Variants in DISP1 observed in about 807,000 individuals in gnomAD.
DISP1 encodes the protein dispatched RND transporter family member 1.
DISP1 carries 30 observed loss-of-function variants against 37.3 expected under a neutral mutation model. The observed-to-expected ratio is 0.80, with a 90% CI of 0.60 to 1.09. The LOEUF (loss-of-function observed/expected upper bound fraction) is 1.09. Among genes scored for constraint, DISP1 ranks in the 50% least tolerant of loss-of-function variants. DISP1 has a pLI of 0.00. For synonymous variants in DISP1, 634 were observed against 690.2 expected (o/e 0.92, Z 1.28); for missense variants, 1,598 against 1,879.5 (o/e 0.85, Z 2.77).
intron 3 of DISP1, among the ~76,000 whole-genome samples, chr1:222,978,646 G>A (rs1437399505): frequency 2.0e-5 from 3 of 152,022 alleles, no homozygotes; most frequent in Admixed American, 6.6e-5. Context: ...GGGTTTTTAT[G>A]GTTTTAGGTC....
At chr1:222,821,161 T>G (rs1175089296) in intron 1 of DISP1, among the ~76,000 whole-genome samples, 1 of 152,202 alleles carries the variant, frequency 6.6e-6, no homozygotes, top group Non-Finnish European at 1.5e-5. Context: ...TCATTGCAGA[T>G]TCCATCTCTT....
intron 1 of DISP1, among the ~76,000 whole-genome samples, chr1:222,880,089 A>C (rs747524109): frequency 2.6e-5 from 4 of 152,286 alleles, no homozygotes; most frequent in Middle Eastern, 3.4e-3. Flanking sequence ...AAGCAATCAA[A>C]ATGTTTAATC....
chr1:222,816,326 C>T (rs542329340), intron 1 of DISP1, among the ~76,000 whole-genome samples: 1 of 152,162 alleles, frequency 6.6e-6, no homozygotes, highest in Admixed American at 6.5e-5. Flanking sequence ...TAGTGTTTCA[C>T]TCAGTGTAAT....
At chr1:222,881,657 TG>T (rs1444401199) in intron 1 of DISP1, among the ~76,000 whole-genome samples, 1 of 152,232 alleles carries the variant, frequency 6.6e-6, no homozygotes, top group African/African-American at 2.4e-5. Flanking sequence ...ATGGATTCGT[TG>T]GCAAGGGCCT....
At chr1:222,957,805 C>T (rs1675727236) in intron 3 of DISP1, among the ~76,000 whole-genome samples, 3 of 152,116 alleles carry the variant, frequency 2.0e-5, no homozygotes, top group Admixed American at 2.0e-4. Context: ...ACTGAAATAA[C>T]AAACAGTATC....
At chr1:222,904,253 G>A (rs963208254) in intron 1 of DISP1, among the ~76,000 whole-genome samples, 6 of 152,130 alleles carry the variant, frequency 3.9e-5, no homozygotes, top group Non-Finnish European at 7.4e-5. Flanking sequence ...AAGATTGTCT[G>A]AATTACTTAT....
chr1:222,848,915 C>T (rs1326550443), intron 1 of DISP1, among the ~76,000 whole-genome samples: 1 of 152,056 alleles, frequency 6.6e-6, no homozygotes, highest in Non-Finnish European at 1.5e-5. Flanking sequence ...ATGCTGACTT[C>T]CCATGAACTA....
At chr1:222,818,444 A>C (rs1661797738) in intron 1 of DISP1, among the ~76,000 whole-genome samples, 1 of 152,206 alleles carries the variant, frequency 6.6e-6, no homozygotes, top group African/African-American at 2.4e-5. Flanking sequence ...CTCTTGAAGC[A>C]AAATAGTACC....
intron 1 of DISP1, among the ~76,000 whole-genome samples, chr1:222,847,770 AG>A (rs1305491658): frequency 6.6e-6 from 1 of 152,186 alleles, no homozygotes; most frequent in African/African-American, 2.4e-5. Context: ...GGAAGGGAGA[AG>A]GAAGAAAGTT....
At chr1:222,963,714 A>G (rs1676237403) in intron 3 of DISP1, among the ~76,000 whole-genome samples, 1 of 151,410 alleles carries the variant, frequency 6.6e-6, no homozygotes, top group African/African-American at 2.4e-5. Flanking sequence ...GAGTTGAACA[A>G]TGAGAACACA....
rs1278209167 is a variant in DISP1, at chr1:223,005,654, T to C, written c.4257T>C (p.Asn1419=). The C allele has an allele frequency of 1.1e-5, 17 of 1,612,736 alleles. No individual in the cohort carries two copies. The highest frequency in any genetic ancestry group is 1.7e-5 in the Admixed American group (1 of 59,836). The change falls in exon 9 of 9, where the codon AAT becomes AAC. Residue 1419 remains asparagine, a synonymous_variant. Transcript: ENST00000675850. ...ATAAACAAAGGGAACTCTGTAAAAA[T>C]AGAGACGTGAGCAATCTGGAGAGCA... The part of the protein sequence containing the change: ...PENKQRELCK[N]RDVSNLESSG...
intron 3 of DISP1, among the ~76,000 whole-genome samples, chr1:222,945,185 G>A (rs1342457505): frequency 1.3e-5 from 2 of 152,142 alleles, no homozygotes; most frequent in African/African-American, 4.8e-5. Context: ...GGAAAGAGGA[G>A]AGTCCTTCAC....
chr1:222,913,589 G>A (rs1472294605), intron 1 of DISP1, among the ~76,000 whole-genome samples: 1 of 151,898 alleles, frequency 6.6e-6, no homozygotes, highest in Non-Finnish European at 1.5e-5. Flanking sequence ...AAGTTGCAAG[G>A]TACTAGCACT....
At chr1:222,879,137 T>C (rs979759920) in intron 1 of DISP1, among the ~76,000 whole-genome samples, 5 of 152,162 alleles carry the variant, frequency 3.3e-5, no homozygotes, top group Admixed American at 6.5e-5. Context: ...TTGAAGACTA[T>C]TAGTTTTTAA....
intron 1 of DISP1, among the ~76,000 whole-genome samples, chr1:222,903,148 A>C (rs9441939): frequency 6.6e-6 from 1 of 151,300 alleles, no homozygotes; most frequent in African/African-American, 2.4e-5. Flanking sequence ...CATGTCCTTT[A>C]TAGGGACATG....
intron 3 of DISP1, among the ~76,000 whole-genome samples, chr1:222,946,444 A>G (rs1055819241): frequency 1.3e-5 from 2 of 152,092 alleles, no homozygotes; most frequent in Non-Finnish European, 2.9e-5. Flanking sequence ...ACAGACATAA[A>G]ATATTTTAAA....
intron 8 of DISP1, among the ~76,000 whole-genome samples, chr1:222,996,757 T>G (rs1019262279): frequency 1.3e-5 from 2 of 152,172 alleles, no homozygotes; most frequent in African/African-American, 4.8e-5. Flanking sequence ...CCCAGCCAAG[T>G]TGAACTCCAG....
At position 222,994,858 on chromosome 1, in the gene DISP1, CTTTCCTTTTTT is replaced by C; in HGVS notation, c.890-23_890-13del. 1 of 1,510,374 alleles carries C rather than the reference CTTTCCTTTTTT, an allele frequency of 6.6e-7. No homozygotes were observed. The highest frequency in any genetic ancestry group is 9.2e-7 in the Non-Finnish European group (1 of 1,089,728). 93.6% of individuals were successfully genotyped at this position (1,510,374 alleles called of 1,614,324 possible). The stretch of plus-strand genomic sequence containing the variant: ...AAATGAATAATTTATAAACCTTTTT[CTTTCCTTTTTT>C]TTTTCATATCACCAGGTGACCGATA... On this transcript the variant is annotated splice_polypyrimidine_tract_variant and intron_variant, in intron 7 of 8. Coordinates refer to ENST00000675850, the MANE Select transcript of DISP1 (RefSeq NM_001377229.1).
chr1:222,843,570 G>C (rs367583273), intron 1 of DISP1, among the ~76,000 whole-genome samples: 9 of 150,558 alleles, frequency 6.0e-5, no homozygotes, highest in Admixed American at 1.3e-4. Flanking sequence ...GGATGGGGGG[G>C]GGAAATTTCT....
Sources: gnomAD v4.1 joint callset for allele counts (sites outside exome capture counted in the v4.1 genomes callset) on GRCh38, gnomAD v4.1.1 for gene constraint, MANE v1.5 for transcripts, NCBI Gene and HGNC (gene_info 2026-07-23, HGNC 2026-07-21) for gene names.